Variants in PGM1 observed in about 807,000 individuals in gnomAD.
PGM1 encodes the protein phosphoglucomutase 1.
PGM1 carries 52 observed loss-of-function variants against 55.6 expected under a neutral mutation model. The ratio of observed to expected loss-of-function variants is 0.94; its 90% CI spans 0.75 to 1.18. The LOEUF is 1.18. Among genes scored for constraint, PGM1 ranks in the 50% most tolerant of loss-of-function variants. The pLI is 0.00. For missense variants in PGM1, 724 were observed against 729.3 expected, an observed-to-expected ratio of 0.99 and a Z score of 0.08; for synonymous variants, 287 against 271.7, an observed-to-expected ratio of 1.06 and a Z score of -0.55.
chr1:63,636,425 G>A (rs370706793), intron 6 of PGM1, 37 bp downstream of exon 6: 1 of 1,606,108 alleles, frequency 6.2e-7, no homozygotes, highest in Admixed American at 1.7e-5. Context: ...CCTGTCTTAG[G>A]TCGTCCCAGT....
intron 1 of PGM1, among the ~76,000 whole-genome samples, chr1:63,611,199 C>T (rs929373210): frequency 6.6e-6 from 1 of 152,008 alleles, no homozygotes; most frequent in African/African-American, 2.4e-5. Flanking sequence ...GGGGAACACG[C>T]AGGGGTGGTC....
intron 4 of PGM1, among the ~76,000 whole-genome samples, chr1:63,631,990 G>A (rs1002269759): frequency 7.9e-5 from 12 of 152,290 alleles, no homozygotes; most frequent in South Asian, 4.1e-4. Flanking sequence ...TGGTAAGCTC[G>A]TGTGAAGGTC....
intron 4 of PGM1, among the ~76,000 whole-genome samples, chr1:63,633,898 GTGTGTGTGTGTGTGTGTGTGTATA>G (rs1297402026): frequency 1.2e-4 from 6 of 48,080 alleles, no homozygotes; most frequent in African/African-American, 7.0e-4. Context: ...GTGTGTGTGT[GTGTGTGTGTGTGTGTGTGTGTATA>G]TATATATATA....
At chr1:63,637,102 A>AGAAT (rs763653556) in intron 6 of PGM1, among the ~76,000 whole-genome samples, 1 of 152,230 alleles carries the variant, frequency 6.6e-6, no homozygotes, top group Admixed American at 6.5e-5. Flanking sequence ...TAAAAGGTAA[A>AGAAT]GAATGAATGA....
intron 3 of PGM1, 25 bp downstream of exon 3, chr1:63,630,113 T>G: frequency 6.2e-7 from 1 of 1,610,568 alleles, no homozygotes; most frequent in Non-Finnish European, 8.5e-7. Context: ...CTCCTCTTTC[T>G]GCCCACTCCT....
At chr1:63,594,788 C>CAAAAAAAAAAAAAAAAAAAAAAAAAAAA (rs34661751) in intron 1 of PGM1, among the ~76,000 whole-genome samples, 1 of 90,528 alleles carries the variant, frequency 1.1e-5, no homozygotes, top group African/African-American at 4.3e-5. Flanking sequence ...CTAAAAAATA[C>CAAAAAAAAAAAAAAAAAAAAAAAAAAAA]AAAAAAAAAA....
chr1:63,630,183 A>G, intron 3 of PGM1, 95 bp downstream of exon 3: 1 of 1,240,504 alleles, frequency 8.1e-7, no homozygotes, highest in South Asian at 1.2e-5. Flanking sequence ...AGCTTTGGAA[A>G]GATTTCCGTG....
rs374920426 is a variant in PGM1, at chr1:63,644,567, A to T, written c.1145-3950A>T. ...TTATTTTTAAAAGCATAATAAAGTCAGTGGAAAATGTAATAATTTTCCATA... is the reference window on the plus strand; with the variant it reads ...TTATTTTTAAAAGCATAATAAAGTCTGTGGAAAATGTAATAATTTTCCATA... On this transcript the variant is annotated intron_variant, in intron 7 of 10. Coordinates refer to ENST00000371084, the MANE Select transcript of PGM1 (RefSeq NM_002633.3). Among the ~76,000 whole-genome samples the T allele has an allele frequency of 7.9e-5, 12 of 152,340 alleles. 3 individuals carry two copies. The highest frequency in any genetic ancestry group is 1.9e-4 in the East Asian group (1 of 5,188).
At chr1:63,644,910 C>T (rs2100995559) in intron 7 of PGM1, among the ~76,000 whole-genome samples, 1 of 152,152 alleles carries the variant, frequency 6.6e-6, no homozygotes, top group South Asian at 2.1e-4. Context: ...GCCTCAAATT[C>T]AGGTTTATCT....
intron 1 of PGM1, among the ~76,000 whole-genome samples, 166 bp from the exon 2 acceptor site, chr1:63,629,259 G>C (rs548318195): frequency 1.3e-5 from 2 of 152,282 alleles, no homozygotes; most frequent in Admixed American, 6.5e-5. Flanking sequence ...CAGTAATATG[G>C]TGGAGACATC....
chr1:63,658,467 AT>A (rs1650026498), intron 10 of PGM1, among the ~76,000 whole-genome samples: 1 of 147,620 alleles, frequency 6.8e-6, no homozygotes, highest in African/African-American at 2.5e-5. Flanking sequence ...AGATTCCTGT[AT>A]TAGGCCGGGT....
At position 63,659,747 on chromosome 1, in the gene PGM1, A is replaced by G. The variant is rs761043925; in HGVS notation, c.*72A>G. ...AAGTCATCTGATTGAAGAGCATGAC[A>G]GAAACAAAATGTATTCACCAAGCAT... On this transcript the variant is annotated 3_prime_UTR_variant, in exon 11 of 11. Transcript: ENST00000371084. 5.7e-5 allele frequency: 65 copies of G among 1,145,066 alleles called. No individual in the cohort carries two copies. Among genetic ancestry groups the G allele is most frequent in the Non-Finnish European group, 8.2e-5 (62 of 754,248 alleles). 70.9% of individuals were successfully genotyped at this position (1,145,066 alleles called of 1,614,324 possible).
intron 7 of PGM1, among the ~76,000 whole-genome samples, chr1:63,643,191 C>T (rs999921495): frequency 5.3e-5 from 8 of 152,180 alleles, no homozygotes; most frequent in South Asian, 2.1e-4. Flanking sequence ...AGACAGAATA[C>T]GCCAGTAGAA....
chr1:63,597,894 G>A (rs1327186905), intron 1 of PGM1, among the ~76,000 whole-genome samples: 1 of 152,168 alleles, frequency 6.6e-6, no homozygotes, highest in Admixed American at 6.5e-5. Flanking sequence ...TGTTGTTGTT[G>A]TCAAGTTACA....
Position 63,629,639 on chromosome 1 carries a change from A to G in PGM1, c.409+52A>G, listed in dbSNP as rs761860710. On this transcript the variant is annotated intron_variant, in intron 2 of 10. Transcript: ENST00000371084. ...GGTAAGTTTACATTCAGTAGGACAAATCAATACCTGGAGCCTTGGGAGACC... is the reference window on the plus strand; with the variant it reads ...GGTAAGTTTACATTCAGTAGGACAAGTCAATACCTGGAGCCTTGGGAGACC... 1.9e-6 allele frequency: 3 copies of G among 1,549,340 alleles called. No homozygotes were observed. The Admixed American group carries it at 5.0e-5, about 26-fold the overall frequency.
chr1:63,626,310 T>C (rs1375602566), intron 1 of PGM1, among the ~76,000 whole-genome samples: 1 of 152,166 alleles, frequency 6.6e-6, no homozygotes, highest in Non-Finnish European at 1.5e-5. Context: ...ACTATCCATC[T>C]CCAGAGCCTT....
At chr1:63,613,108 C>T (rs778721996) in intron 1 of PGM1, among the ~76,000 whole-genome samples, 6 of 152,124 alleles carry the variant, frequency 3.9e-5, no homozygotes, top group Non-Finnish European at 5.9e-5. Flanking sequence ...GTATATGGAG[C>T]ATGGCCCATG....
intron 1 of PGM1, among the ~76,000 whole-genome samples, chr1:63,607,150 G>A (rs563204439): frequency 1.3e-5 from 2 of 152,134 alleles, no homozygotes; most frequent in African/African-American, 4.8e-5. Flanking sequence ...TCAGCCTTAA[G>A]CAGCCGTTAG....
At chr1:63,620,571 T>C (rs1182179222) in intron 1 of PGM1, among the ~76,000 whole-genome samples, 1 of 152,230 alleles carries the variant, frequency 6.6e-6, no homozygotes, top group East Asian at 1.9e-4. Flanking sequence ...ACACCATTAT[T>C]AACTGTCCAT....
Sources: allele counts gnomAD v4.1 joint callset (sites outside exome capture counted in the v4.1 genomes callset), GRCh38; gene constraint gnomAD v4.1.1; transcripts MANE v1.5; gene names NCBI Gene and HGNC (gene_info 2026-07-23, HGNC 2026-07-21).